The following FOXP1 variants were observed in gnomAD, a reference collection of about 807,000 sequenced individuals.
FOXP1 encodes forkhead box protein P1.
FOXP1 carries 15 observed loss-of-function variants against 98.2 expected under a neutral mutation model. The ratio of observed to expected loss-of-function variants is 0.15; its 90% CI spans 0.10 to 0.24. FOXP1 has a LOEUF of 0.24. Ranked by LOEUF, FOXP1 falls within the 10% of genes least tolerant of loss-of-function variation. FOXP1 has a pLI of 1.00. For missense variants in FOXP1, 633 were observed against 848.5 expected (o/e 0.75, Z 3.15); for synonymous variants, 371 against 314.5 (o/e 1.18, Z -1.90).
chr3:70,984,478 G>A (rs2039403723), intron 14 of FOXP1, among the ~76,000 whole-genome samples: 1 of 152,210 alleles, frequency 6.6e-6, no homozygotes, highest in African/African-American at 2.4e-5. Context: ...AAGTGAGACT[G>A]TGTGAGTATG....
At chr3:71,451,161 C>T (rs1038137315) in intron 3 of FOXP1, among the ~76,000 whole-genome samples, 6 of 152,138 alleles carry the variant, frequency 3.9e-5, no homozygotes, top group Non-Finnish European at 7.3e-5. Context: ...CATGCAGCTG[C>T]CTACTACTGT....
At chr3:70,962,272 T>G (rs886826428) in intron 20 of FOXP1, among the ~76,000 whole-genome samples, 2 of 152,228 alleles carry the variant, frequency 1.3e-5, no homozygotes, top group Non-Finnish European at 2.9e-5. Flanking sequence ...TCTCTTTCTC[T>G]TTTACTGTTT....
intron 5 of FOXP1, among the ~76,000 whole-genome samples, chr3:71,262,489 A>T (rs908921152): frequency 6.6e-6 from 1 of 152,012 alleles, no homozygotes; most frequent in Non-Finnish European, 1.5e-5. Flanking sequence ...TACTTCCAAC[A>T]TCAAATTTAT....
chr3:71,029,368 A>G (rs1285152584), intron 11 of FOXP1, among the ~76,000 whole-genome samples: 4 of 151,690 alleles, frequency 2.6e-5, no homozygotes. Context: ...ACATACACAC[A>G]CTATGATGTT....
chr3:71,568,601 G>T (rs1354383216), intron 2 of FOXP1, among the ~76,000 whole-genome samples: 1 of 152,038 alleles, frequency 6.6e-6, no homozygotes, highest in Non-Finnish European at 1.5e-5. Context: ...CAATGGGCCA[G>T]CAGATTATAC....
Position 70,957,440 on chromosome 3 carries a change from A to T in FOXP1, c.*1807T>A. 4.3e-6 allele frequency: 1 copy of T among 230,578 alleles called. No homozygotes were observed. The highest frequency in any genetic ancestry group is 8.6e-6 in the Non-Finnish European group (1 of 116,142). The allele number at this position is 230,578 out of a possible 1,614,324, so 14.3% of individuals were successfully genotyped here. On this transcript the variant is annotated 3_prime_UTR_variant, in exon 21 of 21. Coordinates refer to ENST00000649528, the MANE Select transcript of FOXP1 (RefSeq NM_001349338.3). ...TAAATTCTTTTGCCTCCTTTGATCA[A>T]CAATAAGAGGATATTTGGCTTCATC...
intron 3 of FOXP1, among the ~76,000 whole-genome samples, chr3:71,372,179 ATT>A (rs71621938): frequency 1.0e-4 from 14 of 140,458 alleles, no homozygotes; most frequent in African/African-American, 3.1e-4. Flanking sequence ...TTCCTGGCTA[ATT>A]TTTTTTTTTT....
Position 71,105,248 on chromosome 3 carries a change from G to A in FOXP1, c.282+7288C>T, listed in dbSNP as rs188653984. Among the ~76,000 whole-genome samples, 22 of 152,112 alleles carry A rather than the reference G, an allele frequency of 1.4e-4. No individual in the cohort carries two copies. The East Asian group carries it at 3.3e-3, about 23-fold the overall frequency. ...CTCTTTCCCTGAAGCACAAGTGGAC[G>A]ACCAGCAAGGGTCCGACAGTGTTAT... On this transcript the variant is annotated intron_variant, in intron 7 of 20. Coordinates refer to ENST00000649528, the MANE Select transcript of FOXP1 (RefSeq NM_001349338.3).
At chr3:71,459,254 T>C (rs1229623064) in intron 3 of FOXP1, among the ~76,000 whole-genome samples, 1 of 152,262 alleles carries the variant, frequency 6.6e-6, no homozygotes, top group Non-Finnish European at 1.5e-5. Flanking sequence ...TTTACCTCAA[T>C]TTATTTATTG....
intron 13 of FOXP1, among the ~76,000 whole-genome samples, chr3:71,000,089 C>G (rs781561246): frequency 6.6e-6 from 1 of 151,950 alleles, no homozygotes; most frequent in African/African-American, 2.4e-5. Flanking sequence ...CTAATTTTTA[C>G]TTTTAGAAAC....
At chr3:70,988,161 C>T (rs963745800) in intron 13 of FOXP1, 84 bp from the exon 14 acceptor site, 16 of 1,150,544 alleles carry the variant, frequency 1.4e-5, no homozygotes, top group East Asian at 7.0e-5. Context: ...TTACAAATTA[C>T]GCTATGGCAC....
intron 3 of FOXP1, among the ~76,000 whole-genome samples, chr3:71,377,366 A>G (rs941297565): frequency 1.3e-5 from 2 of 152,244 alleles, no homozygotes; most frequent in Admixed American, 1.3e-4. Context: ...AATCAGGTAT[A>G]TAAATATCAT....
At chr3:71,082,590 G>A (rs771902497) in intron 7 of FOXP1, among the ~76,000 whole-genome samples, 46 of 148,410 alleles carry the variant, frequency 3.1e-4, no homozygotes, top group East Asian at 2.4e-3. Context: ...AAACCTGCAC[G>A]TTCTGCACAT....
chr3:71,276,651 T>C (rs1373229096), intron 5 of FOXP1, among the ~76,000 whole-genome samples: 1 of 152,168 alleles, frequency 6.6e-6, no homozygotes, highest in Non-Finnish European at 1.5e-5. Flanking sequence ...TATATATGCA[T>C]GGTGATGCAT....
chr3:71,221,583 T>G (rs2065387345), intron 5 of FOXP1, among the ~76,000 whole-genome samples: 1 of 152,192 alleles, frequency 6.6e-6, no homozygotes, highest in Non-Finnish European at 1.5e-5. Context: ...TCTTCCAGGC[T>G]TATATTCTTC....
chr3:71,067,176 G>C lies in FOXP1; in HGVS notation c.283-13403C>G, dbSNP rs114482758. ...TTAGAAGCCACCTGGAGCCCATCTC[G>C]CCCTGTCTCCAGACAGACAGATGAT... is the stretch of plus-strand genomic sequence containing the variant. On this transcript the variant is annotated intron_variant, in intron 7 of 20. Coordinates refer to ENST00000649528, the MANE Select transcript of FOXP1 (RefSeq NM_001349338.3). Among the ~76,000 whole-genome samples the C allele has an allele frequency of 1.1e-4, 16 of 152,062 alleles. 1 individual carries two copies. The highest frequency in any genetic ancestry group is 1.0e-3 in the Admixed American group (16 of 15,274).
chr3:70,966,150 G>T, intron 19 of FOXP1, 94 bp from the exon 20 acceptor site: 3 of 1,082,904 alleles, frequency 2.8e-6, no homozygotes, highest in East Asian at 5.2e-5. Context: ...TTCAGTTTGA[G>T]TTAATTGTAG....
At chr3:71,308,122 G>A (rs147381880) in intron 4 of FOXP1, among the ~76,000 whole-genome samples, 183 of 151,526 alleles carry the variant, frequency 1.2e-3, no homozygotes, top group African/African-American at 4.3e-3. Context: ...AGCGCCACTC[G>A]CTGTAAGCTT....
At position 71,041,531 on chromosome 3, in the gene FOXP1, G is replaced by T; in HGVS notation, c.666C>A (p.Gly222=). The part of the protein sequence containing the change: ...PALPLQPLAQ[G]MIPTELQQLW... ...GCTGCTGCAGTTCTGTTGGAATCATGCCTGAAACAAACAAATTGGATAATT... is the reference window on the plus strand; with the variant it reads ...GCTGCTGCAGTTCTGTTGGAATCATTCCTGAAACAAACAAATTGGATAATT... The change falls in exon 11 of 21, where the codon GGC becomes GGA. Residue 222 remains glycine (G), a splice_region_variant and synonymous_variant. Coordinates refer to ENST00000649528, the MANE Select transcript of FOXP1 (RefSeq NM_001349338.3). 1.2e-6 allele frequency: 2 copies of T among 1,613,512 alleles called. No homozygotes were observed. Among genetic ancestry groups the T allele is most frequent in the South Asian group, 1.1e-5 (1 of 91,064 alleles).
Sources: gnomAD v4.1 joint callset for allele counts (sites outside exome capture counted in the v4.1 genomes callset) on GRCh38, gnomAD v4.1.1 for gene constraint, MANE v1.5 for transcripts, NCBI Gene and HGNC (gene_info 2026-07-23, HGNC 2026-07-21) for gene names.